Variants in ZNF618 observed in about 807,000 individuals in gnomAD.
The protein encoded by ZNF618 is neural precursor cell expressed, developmentally down-regulated 10.
A neutral mutation model predicts 103.0 loss-of-function variants in ZNF618; 34 were observed. The observed-to-expected ratio is 0.33, with a 90% CI of 0.25 to 0.44. The LOEUF is 0.44. ZNF618 is among the 20% of genes least tolerant of loss of function. ZNF618 has a pLI of 1.00. For missense variants in ZNF618, 1,059 were observed against 1,295.4 expected (o/e 0.82, Z 2.80); for synonymous variants, 551 against 542.2 (o/e 1.02, Z -0.23).
At chr9:113,999,264 G>A (rs1243056028) in intron 4 of ZNF618, among the ~76,000 whole-genome samples, 1 of 151,670 alleles carries the variant, frequency 6.6e-6, no homozygotes, top group Admixed American at 6.6e-5. Context: ...GGCTGATCGA[G>A]GGGCAGGCGG....
At chr9:113,964,633 C>G (rs1210172129) in intron 1 of ZNF618, among the ~76,000 whole-genome samples, 1 of 151,702 alleles carries the variant, frequency 6.6e-6, no homozygotes, top group African/African-American at 2.4e-5. Context: ...TCCCCACGTG[C>G]TTGGGTTCTA....
chr9:114,032,498 G>T, intron 11 of ZNF618, 147 bp from the exon 12 acceptor site: 1 of 717,014 alleles, frequency 1.4e-6, no homozygotes, highest in Non-Finnish European at 2.5e-6. Flanking sequence ...AGAGGGTCCT[G>T]GGGAGATCTG....
At chr9:114,048,144 T>A (rs1845820942) in intron 14 of ZNF618, 150 bp downstream of exon 14, 2 of 714,512 alleles carry the variant, frequency 2.8e-6, no homozygotes, top group Non-Finnish European at 2.3e-6. Context: ...AAGACCTTAT[T>A]TGCAGGAGTT....
intron 1 of ZNF618, among the ~76,000 whole-genome samples, chr9:113,929,561 G>C (rs1009346358): frequency 1.3e-5 from 2 of 152,178 alleles, no homozygotes; most frequent in Non-Finnish European, 2.9e-5. Context: ...CCTTAAATTA[G>C]CTGGGAGACA....
intron 13 of ZNF618, among the ~76,000 whole-genome samples, chr9:114,042,721 T>C (rs1845321674): frequency 6.6e-6 from 1 of 152,092 alleles, no homozygotes; most frequent in Admixed American, 6.5e-5. Context: ...TCCCAGCTAC[T>C]TAGGAGGCTC....
intron 1 of ZNF618, among the ~76,000 whole-genome samples, chr9:113,889,447 C>A (rs1829417897): frequency 6.6e-6 from 1 of 152,016 alleles, no homozygotes; most frequent in Non-Finnish European, 1.5e-5. Flanking sequence ...ATGCATGTGC[C>A]AAGATAGATA....
At chr9:113,896,236 A>G (rs1236787210) in intron 1 of ZNF618, among the ~76,000 whole-genome samples, 2 of 152,036 alleles carry the variant, frequency 1.3e-5, no homozygotes, top group Non-Finnish European at 2.9e-5. Flanking sequence ...AGATTTTTAA[A>G]AATTCTTGAG....
At position 114,050,478 on chromosome 9, in the gene ZNF618, CCCTGGTGCGTGT is replaced by C; in HGVS notation, c.*312_*323del. ...CACACACACACACACACACACACGA[CCCTGGTGCGTGT>C]ACATACGCCTGTGCTTGGACGGGTG... On this transcript the variant is annotated 3_prime_UTR_variant, in exon 15 of 15. Transcript: ENST00000374126. The C allele has an allele frequency of 4.0e-6, 1 of 249,606 alleles. No individual in the cohort carries two copies. Among genetic ancestry groups the C allele is most frequent in the Non-Finnish European group, 7.5e-6 (1 of 133,598 alleles). 15.5% of individuals were successfully genotyped at this position (249,606 alleles called of 1,614,324 possible). A position where few individuals can be genotyped will look rare whatever the true frequency, so the allele number is the denominator to read the frequency against.
intron 3 of ZNF618, among the ~76,000 whole-genome samples, chr9:113,995,779 C>A (rs1840529622): frequency 6.6e-6 from 1 of 152,176 alleles, no homozygotes; most frequent in African/African-American, 2.4e-5. Context: ...TAGATCCACT[C>A]ACTTTCTGAG....
At chr9:114,018,184 C>T (rs754044317) in intron 10 of ZNF618, among the ~76,000 whole-genome samples, 1 of 152,206 alleles carries the variant, frequency 6.6e-6, no homozygotes, top group South Asian at 2.1e-4. Flanking sequence ...ATTCAGTACC[C>T]GCCATAGAGC....
rs572461609 is a variant in ZNF618, at chr9:114,047,336, A to T, written c.1247-557A>T. Among the ~76,000 whole-genome samples, 48 of 152,262 alleles carry T rather than the reference A, an allele frequency of 3.2e-4. 1 individual carries two copies. In the South Asian group the frequency reaches 9.3e-3, roughly 30 times the overall value. On this transcript the variant is annotated intron_variant, in intron 13 of 14. Coordinates refer to ENST00000374126, the MANE Select transcript of ZNF618 (RefSeq NM_001318042.2). ...TTCTTATATCCGAGCTTCAGTTTCC[A>T]TGTCTTACAGTGAGGGGTTTGATAA...
chr9:113,967,988 C>T (rs1837575294), intron 1 of ZNF618, among the ~76,000 whole-genome samples: 1 of 152,110 alleles, frequency 6.6e-6, no homozygotes, highest in South Asian at 2.1e-4. Flanking sequence ...AGTCCGCCAT[C>T]TGATTTTGCC....
At chr9:113,935,371 C>T (rs2131934058) in intron 1 of ZNF618, among the ~76,000 whole-genome samples, 1 of 152,276 alleles carries the variant, frequency 6.6e-6, no homozygotes, top group African/African-American at 2.4e-5. Flanking sequence ...AGCTGCCAGC[C>T]CAGGGGCTGG....
At chr9:113,905,291 A>G (rs1352029070) in intron 1 of ZNF618, among the ~76,000 whole-genome samples, 1 of 152,142 alleles carries the variant, frequency 6.6e-6, no homozygotes, top group African/African-American at 2.4e-5. Flanking sequence ...TCCTGACTCA[A>G]GTGATCTGCC....
intron 1 of ZNF618, among the ~76,000 whole-genome samples, chr9:113,882,664 C>T (rs1425697858): frequency 2.0e-5 from 3 of 152,188 alleles, no homozygotes; most frequent in African/African-American, 7.2e-5. Flanking sequence ...GCTTTCATTC[C>T]GGGGCTGCTC....
Position 114,049,180 on chromosome 9 carries a change from C to T in ZNF618, c.1878C>T (p.Phe626=), listed in dbSNP as rs1845918417. 6.2e-7 allele frequency: 1 copy of T among 1,613,830 alleles called. No homozygotes were observed. The highest frequency in any genetic ancestry group is 2.2e-5 in the East Asian group (1 of 44,878). ...VTDCRVSTSA[F]SKAGMCLRCS... ...ATTGCCGGGTGAGCACGTCCGCCTT[C>T]TCCAAGGCCGGCATGTGCCTTCGCT... is the stretch of plus-strand genomic sequence containing the variant. Residue 626 remains phenylalanine, a synonymous_variant, in exon 15 of 15, where the codon TTC becomes TTT. Coordinates refer to ENST00000374126, the MANE Select transcript of ZNF618 (RefSeq NM_001318042.2).
intron 1 of ZNF618, among the ~76,000 whole-genome samples, chr9:113,951,452 T>TGC (rs1835652715): frequency 1.5e-5 from 1 of 68,112 alleles, no homozygotes; most frequent in African/African-American, 6.9e-5. Flanking sequence ...CATATATGTG[T>TGC]ATATATACAT....
At chr9:113,935,771 C>T (rs895723564) in intron 1 of ZNF618, among the ~76,000 whole-genome samples, 3 of 152,124 alleles carry the variant, frequency 2.0e-5, no homozygotes, top group African/African-American at 7.2e-5. Flanking sequence ...GCACCCTGCC[C>T]TGTGCTGTGT....
chr9:113,941,267 G>A (rs1834527027), intron 1 of ZNF618, among the ~76,000 whole-genome samples: 1 of 152,048 alleles, frequency 6.6e-6, no homozygotes, highest in South Asian at 2.1e-4. Flanking sequence ...TCCATAGTTT[G>A]TTTTTAGTAA....
Sources: allele counts gnomAD v4.1 joint callset (sites outside exome capture counted in the v4.1 genomes callset), GRCh38; gene constraint gnomAD v4.1.1; transcripts MANE v1.5; gene names NCBI Gene and HGNC (gene_info 2026-07-23, HGNC 2026-07-21).